TRAPPC9: variants seen among roughly 807,000 people sequenced by gnomAD.
TRAPPC9 encodes trafficking protein particle complex subunit 9, also known as IKK2 binding protein.
A neutral mutation model predicts 124.0 loss-of-function variants in TRAPPC9; 83 were observed. That is an observed-to-expected ratio of 0.67 (90% CI 0.56 to 0.80). The LOEUF (loss-of-function observed/expected upper bound fraction) is 0.80, where lower values mean the gene tolerates loss of function less well. Among genes scored for constraint, TRAPPC9 ranks in the 30% least tolerant of loss-of-function variants. The pLI, the probability that TRAPPC9 is intolerant of heterozygous loss-of-function variation, is 0.00. For synonymous variants in TRAPPC9, 638 were observed against 617.5 expected (o/e 1.03, Z -0.49); for missense variants, 1,302 against 1,508.3 (o/e 0.86, Z 2.27).
At chr8:140,136,274 G>C (rs144285124) in intron 17 of TRAPPC9, among the ~76,000 whole-genome samples, 1 of 152,290 alleles carries the variant, frequency 6.6e-6, no homozygotes, top group African/African-American at 2.4e-5. Flanking sequence ...CACAAAACCA[G>C]GTGACCATCA....
At chr8:140,387,708 T>G (rs1287065068) in intron 7 of TRAPPC9, among the ~76,000 whole-genome samples, 1 of 152,116 alleles carries the variant, frequency 6.6e-6, no homozygotes, top group Non-Finnish European at 1.5e-5. Context: ...TGGTGATCAT[T>G]AAAAAGTCAG....
At chr8:139,764,815 G>T (rs1169185672) in intron 21 of TRAPPC9, among the ~76,000 whole-genome samples, 1 of 152,168 alleles carries the variant, frequency 6.6e-6, no homozygotes, top group African/African-American at 2.4e-5. Context: ...CCACGGTCCG[G>T]TGCATCCAGT....
At chr8:140,360,425 A>C (rs562091450) in intron 8 of TRAPPC9, among the ~76,000 whole-genome samples, 3 of 152,328 alleles carry the variant, frequency 2.0e-5, no homozygotes, top group African/African-American at 7.2e-5. Context: ...CTCTCTGCAA[A>C]GACATGATTT....
At chr8:140,024,813 T>C (rs1015160551) in intron 17 of TRAPPC9, among the ~76,000 whole-genome samples, 8 of 149,392 alleles carry the variant, frequency 5.4e-5, no homozygotes, top group Non-Finnish European at 1.0e-4. Context: ...CATTTCAACA[T>C]CAGATGAGGT....
chr8:140,433,802 T>C (rs1388119696), intron 4 of TRAPPC9, among the ~76,000 whole-genome samples: 1 of 152,122 alleles, frequency 6.6e-6, no homozygotes, highest in Non-Finnish European at 1.5e-5. Context: ...GAACTTAAGG[T>C]TGTTTCACAC....
At chr8:140,438,580 G>A (rs939668523) in intron 3 of TRAPPC9, among the ~76,000 whole-genome samples, 1 of 152,174 alleles carries the variant, frequency 6.6e-6, no homozygotes, top group African/African-American at 2.4e-5. Flanking sequence ...GATACAGCAG[G>A]GAAGCATCCC....
chr8:140,214,938 G>C (rs927061859), intron 17 of TRAPPC9, among the ~76,000 whole-genome samples: 1 of 152,082 alleles, frequency 6.6e-6, no homozygotes, highest in African/African-American at 2.4e-5. Context: ...AGTTTTATAG[G>C]TTTAGCACGA....
At chr8:140,359,946 T>G in intron 9 of TRAPPC9, 104 bp downstream of exon 9, 1 of 1,532,408 alleles carries the variant, frequency 6.5e-7, no homozygotes, top group East Asian at 2.3e-5. Context: ...GGGCAGCATC[T>G]TCCACCCACT....
chr8:140,306,616 C>T (rs1218340208), intron 10 of TRAPPC9, among the ~76,000 whole-genome samples: 1 of 152,016 alleles, frequency 6.6e-6, no homozygotes. Flanking sequence ...CTGGACAGCA[C>T]ATTAAAGCGT....
intron 17 of TRAPPC9, among the ~76,000 whole-genome samples, chr8:140,070,653 G>A (rs951825603): frequency 6.6e-6 from 1 of 152,184 alleles, no homozygotes; most frequent in Non-Finnish European, 1.5e-5. Flanking sequence ...ACAGAAGAGT[G>A]TGGCAGGTTC....
At chr8:139,763,897 G>T (rs1440881203) in intron 21 of TRAPPC9, among the ~76,000 whole-genome samples, 1 of 152,342 alleles carries the variant, frequency 6.6e-6, no homozygotes, top group East Asian at 1.9e-4. Context: ...CAGAAGAACT[G>T]CCCGTTGACA....
At chr8:140,361,473 C>T (rs895200082) in intron 8 of TRAPPC9, among the ~76,000 whole-genome samples, 2 of 152,204 alleles carry the variant, frequency 1.3e-5, no homozygotes, top group Non-Finnish European at 2.9e-5. Context: ...AGACAGTAGT[C>T]GGAGTACAAG....
Position 140,141,783 on chromosome 8 carries a change from G to C in TRAPPC9, c.2556+79676C>G, listed in dbSNP as rs543480062. ...AATCAAAAGATGACTTCAGCACCCC[G>C]GCGGGCGGCAGTGGCTACCTAGCTA... is the stretch of plus-strand genomic sequence containing the variant. On this transcript the variant is annotated intron_variant, in intron 17 of 22. Transcript: ENST00000438773. Among the ~76,000 whole-genome samples the C allele has an allele frequency of 6.6e-5, 10 of 152,340 alleles. No homozygotes were observed. The South Asian group carries it at 2.1e-3, about 32-fold the overall frequency.
chr8:139,862,480 G>A (rs887017330), intron 21 of TRAPPC9, among the ~76,000 whole-genome samples: 3 of 152,232 alleles, frequency 2.0e-5, no homozygotes, highest in African/African-American at 7.2e-5. Flanking sequence ...AAAGGTCAGG[G>A]GCTGTCTTTG....
chr8:140,432,452 T>G (rs1201565558), intron 4 of TRAPPC9, among the ~76,000 whole-genome samples: 5 of 152,242 alleles, frequency 3.3e-5, no homozygotes, highest in African/African-American at 1.2e-4. Flanking sequence ...CTCTTCATTC[T>G]ACAGGTAGTG....
intron 9 of TRAPPC9, among the ~76,000 whole-genome samples, chr8:140,346,360 C>A (rs545220835): frequency 1.3e-5 from 2 of 152,258 alleles, no homozygotes; most frequent in South Asian, 2.1e-4. Context: ...TCCACAAATA[C>A]CTGCAGAAAG....
At chr8:139,973,861 C>T (rs1273582773) in intron 19 of TRAPPC9, among the ~76,000 whole-genome samples, 2 of 152,160 alleles carry the variant, frequency 1.3e-5, no homozygotes, top group African/African-American at 4.8e-5. Flanking sequence ...ACGCACCAGG[C>T]CCGTCAAGCT....
chr8:140,352,061 T>C (rs1032369765), intron 9 of TRAPPC9, among the ~76,000 whole-genome samples: 4 of 152,054 alleles, frequency 2.6e-5, no homozygotes, highest in Admixed American at 6.6e-5. Flanking sequence ...GAAAGACTAA[T>C]CCATTCTGTC....
chr8:140,074,889 G>A (rs371951424), intron 17 of TRAPPC9, among the ~76,000 whole-genome samples: 4 of 152,168 alleles, frequency 2.6e-5, no homozygotes, highest in African/African-American at 7.2e-5. Flanking sequence ...GCTGTTGATC[G>A]CCAGTGGTAT....
Sources: gnomAD v4.1 joint callset for allele counts (sites outside exome capture counted in the v4.1 genomes callset) on GRCh38, gnomAD v4.1.1 for gene constraint, MANE v1.5 for transcripts, NCBI Gene and HGNC (gene_info 2026-07-23, HGNC 2026-07-21) for gene names.